ADGRE2: variants seen among roughly 807,000 people sequenced by gnomAD.
The protein encoded by ADGRE2 is CD97 antigen.
A neutral mutation model predicts 100.8 loss-of-function variants in ADGRE2; 83 were observed. The ratio of observed to expected loss-of-function variants is 0.82; its 90% CI spans 0.69 to 0.99. The LOEUF (loss-of-function observed/expected upper bound fraction) is 0.99. Ranked by LOEUF, ADGRE2 falls within the 50% of genes least tolerant of loss-of-function variation. The pLI, the probability that ADGRE2 is intolerant of heterozygous loss-of-function variation, is 0.00. For missense variants in ADGRE2, 814 were observed against 1,035.7 expected, an observed-to-expected ratio of 0.79 and a Z score of 2.94; for synonymous variants, 355 against 413.0, an observed-to-expected ratio of 0.86 and a Z score of 1.70.
At position 14,765,326 on chromosome 19, in the gene ADGRE2, G is replaced by A. The variant is rs763444861; in HGVS notation, c.900C>T (p.Thr300=). 1.4e-5 allele frequency: 22 copies of A among 1,613,976 alleles called. No individual in the cohort carries two copies. The African/African-American group carries it at 2.1e-4, about 16-fold the overall frequency. ...RDYKPGLANN[T]IQSILQALDE... ...CCCTGGGTCCTGTCCTTACCTGGAT[G>A]GTGTTATTGGCCAAGCCTGGCTTGT... is the stretch of plus-strand genomic sequence containing the variant. The change falls in exon 10 of 21, where the codon ACC becomes ACT. Residue 300 remains threonine (T), a synonymous_variant. Transcript: ENST00000315576.
At chr19:14,747,505 T>C (rs62122595) in intron 16 of ADGRE2, among the ~76,000 whole-genome samples, 7,696 of 149,210 alleles carry the variant, frequency 0.052, 227 homozygotes, top group Middle Eastern at 0.085. Flanking sequence ...TATTGCAGCA[T>C]TTTAAAATGG....
chr19:14,775,968 G>C (rs1014217757), intron 2 of ADGRE2, among the ~76,000 whole-genome samples: 3 of 151,762 alleles, frequency 2.0e-5, no homozygotes, highest in Non-Finnish European at 4.4e-5. Context: ...ACCGCCGCCA[G>C]CCCTGGCGGC....
chr19:14,727,096 T>C, the ADGRE2 span, among the ~76,000 whole-genome samples: 9 of 143,702 alleles, frequency 6.3e-5, no homozygotes, highest in Non-Finnish European at 1.0e-4. Flanking sequence ...GGCGCAATCT[T>C]GGCTCACTAC....
chr19:14,765,519 C>T lies in ADGRE2; in HGVS notation c.828+5G>A. On this transcript the variant is annotated splice_donor_5th_base_variant and intron_variant, in intron 9 of 20. Transcript: ENST00000315576. ...CGCCGCCTCGTCCCTGTGGGGGCCA[C>T]TCACCTGGCTGTGGACTCCAGGGGG... The T allele has an allele frequency of 6.2e-7, 1 of 1,613,800 alleles. No homozygotes were observed. Among genetic ancestry groups the T allele is most frequent in the Non-Finnish European group, 8.5e-7 (1 of 1,179,686 alleles).
chr19:14,738,259 G>C (rs1186964179), intron 20 of ADGRE2, among the ~76,000 whole-genome samples: 1 of 152,190 alleles, frequency 6.6e-6, no homozygotes, highest in African/African-American at 2.4e-5. Flanking sequence ...CGGAGCTCCA[G>C]GGTTTGTGTA....
rs776835907 is a variant in ADGRE2, at chr19:14,766,133, C to T, written c.634+102G>A. Reference sequence around the variant, plus strand: ...CAGAAGAATGAACGCCTGACACAGTCGGGCGCCTCCAGCGCTCATTCTGCT... The same window carrying T: ...CAGAAGAATGAACGCCTGACACAGTTGGGCGCCTCCAGCGCTCATTCTGCT... On this transcript the variant is annotated intron_variant, in intron 7 of 20. Coordinates refer to ENST00000315576, the MANE Select transcript of ADGRE2 (RefSeq NM_013447.4). 33 of 1,574,446 alleles carry T rather than the reference C, an allele frequency of 2.1e-5. No individual in the cohort carries two copies. In the Admixed American group the frequency reaches 2.8e-4, roughly 13 times the overall value.
At chr19:14,744,210 C>T (rs890350905) in intron 18 of ADGRE2, among the ~76,000 whole-genome samples, 2 of 150,570 alleles carry the variant, frequency 1.3e-5, no homozygotes, top group African/African-American at 4.9e-5. Context: ...AGCCACTGCA[C>T]TCCAGCCTGG....
chr19:14,763,555 C>A (rs1203511058), intron 11 of ADGRE2, among the ~76,000 whole-genome samples: 1 of 151,248 alleles, frequency 6.6e-6, no homozygotes, highest in Non-Finnish European at 1.5e-5. Context: ...TTATGCATTT[C>A]TTTTTCCTTT....
chr19:14,746,877 C>T lies in ADGRE2; in HGVS notation c.2091+19G>A, dbSNP rs1357113467. The T allele has an allele frequency of 6.2e-7, 1 of 1,611,866 alleles. No individual in the cohort carries two copies. Among genetic ancestry groups the T allele is most frequent in the Non-Finnish European group, 8.5e-7 (1 of 1,178,348 alleles). Reference sequence around the variant, plus strand: ...GACCCTCAGCGGGGCAGCGAGGATGCTCAGATGATGTCACTCACAGAGAAG... The same window carrying T: ...GACCCTCAGCGGGGCAGCGAGGATGTTCAGATGATGTCACTCACAGAGAAG... On this transcript the variant is annotated intron_variant, in intron 17 of 20. Transcript: ENST00000315576.
At chr19:14,743,030 C>T (rs1388266896) in intron 20 of ADGRE2, among the ~76,000 whole-genome samples, 2 of 151,830 alleles carry the variant, frequency 1.3e-5, no homozygotes, top group Non-Finnish European at 2.9e-5. Flanking sequence ...CTACTGGGCT[C>T]AAGTGATTGT....
chr19:14,742,465 C>T (rs2042959932), intron 20 of ADGRE2, among the ~76,000 whole-genome samples: 1 of 152,150 alleles, frequency 6.6e-6, no homozygotes, highest in Admixed American at 6.6e-5. Context: ...CTCTTGGCCT[C>T]AAGCAGTTGT....
intron 5 of ADGRE2, among the ~76,000 whole-genome samples, chr19:14,771,271 C>A (rs773525924): frequency 6.6e-6 from 1 of 152,174 alleles, no homozygotes; most frequent in Non-Finnish European, 1.5e-5. Context: ...TCCCCTGGGA[C>A]CCTTGGCTCA....
chr19:14,744,152 T>C (rs1195659540), intron 18 of ADGRE2, among the ~76,000 whole-genome samples: 1 of 151,226 alleles, frequency 6.6e-6, no homozygotes, highest in East Asian at 2.0e-4. Context: ...GCTGGGGCAG[T>C]AGAATTGCTT....
intron 5 of ADGRE2, among the ~76,000 whole-genome samples, chr19:14,770,335 T>C (rs1028731974): frequency 3.9e-5 from 6 of 152,030 alleles, no homozygotes; most frequent in Non-Finnish European, 5.9e-5. Context: ...CTGCCAAGAG[T>C]GGAAGCTCCC....
rs2044504184 is a variant in ADGRE2, at chr19:14,778,429, A to C, written c.-344T>G. 1.2e-6 allele frequency: 1 copy of C among 833,106 alleles called. No homozygotes were observed. Among genetic ancestry groups the C allele is most frequent in the African/African-American group, 1.8e-5 (1 of 54,322 alleles). The allele number at this position is 833,106 out of a possible 1,614,324, so 51.6% of individuals were successfully genotyped here. On this transcript the variant is annotated 5_prime_UTR_variant, in exon 1 of 21. Coordinates refer to ENST00000315576, the MANE Select transcript of ADGRE2 (RefSeq NM_013447.4). ...GTGTCAAAAACAAAAAGAAAGAAAG[A>C]AAACTGAGGCATTACAGTGTCCACA...
At chr19:14,751,889 G>T (rs1425027124) in intron 15 of ADGRE2, among the ~76,000 whole-genome samples, 1 of 136,738 alleles carries the variant, frequency 7.3e-6, no homozygotes, top group Non-Finnish European at 1.6e-5. Flanking sequence ...GTATATATAC[G>T]TATACACACA....
intron 4 of ADGRE2, among the ~76,000 whole-genome samples, chr19:14,773,292 T>C (rs2044288468): frequency 6.8e-6 from 1 of 147,884 alleles, no homozygotes; most frequent in African/African-American, 2.5e-5. Flanking sequence ...TTTCCTCCCT[T>C]CCTTCCTTCC....
In ADGRE2 at chr19:14,772,462, A is replaced by C; in HGVS notation, c.235T>G (p.Cys79Gly). Residue 79 changes from cysteine to glycine, a missense_variant, in exon 5 of 21, where the codon TGC becomes GGC. Physicochemically the swap from Cys to Gly is radical, Grantham distance 159 (BLOSUM62 -3). Coordinates refer to ENST00000315576, the MANE Select transcript of ADGRE2 (RefSeq NM_013447.4). ...TTCCAGCAGTCCGAGAATTTTCCGC[A>C]TGACACTTTCGACAGTGTTGCACAC... ...NECATLSKVS[C>G]GKFSDCWNTE... 1 of 1,613,994 alleles carries C rather than the reference A, an allele frequency of 6.2e-7. No homozygotes were observed. Among genetic ancestry groups the C allele is most frequent in the Non-Finnish European group, 8.5e-7 (1 of 1,179,984 alleles).
chr19:14,754,044 A>G (rs1397496426), intron 14 of ADGRE2, among the ~76,000 whole-genome samples: 1 of 152,080 alleles, frequency 6.6e-6, no homozygotes, highest in Non-Finnish European at 1.5e-5. Flanking sequence ...GGCACTGTCT[A>G]ATCAGCTGCC....
Sources: gnomAD v4.1 joint callset for allele counts (sites outside exome capture counted in the v4.1 genomes callset) on GRCh38, gnomAD v4.1.1 for gene constraint, MANE v1.5 for transcripts, NCBI Gene and HGNC (gene_info 2026-07-23, HGNC 2026-07-21) for gene names.